The following ZSWIM6 variants were observed in gnomAD, a reference collection of about 807,000 sequenced individuals.
ZSWIM6 encodes the protein zinc finger SWIM domain-containing protein 6.
In ZSWIM6, 9 loss-of-function variants were observed where a neutral mutation model predicts 113.2. That is an observed-to-expected ratio of 0.08 (90% CI 0.05 to 0.14). The LOEUF (loss-of-function observed/expected upper bound fraction) is 0.14, where lower values mean the gene tolerates loss of function less well. Ranked by LOEUF, ZSWIM6 falls within the 10% of genes least tolerant of loss-of-function variation. The probability of loss-of-function intolerance (pLI) is 1.00; values close to 1 mark genes in which losing one functional copy is unlikely to be tolerated. For synonymous variants in ZSWIM6, 611 were observed against 606.5 expected, an observed-to-expected ratio of 1.01 and a Z score of -0.11; for missense variants, 1,162 against 1,552.2, an observed-to-expected ratio of 0.75 and a Z score of 4.22.
At chr5:61,375,060 T>TCTCTC (rs1229748602) in intron 1 of ZSWIM6, 1 of 1,524,488 alleles carries the variant, frequency 6.6e-7, no homozygotes, top group Non-Finnish European at 9.1e-7. Context: ...AAAGGGTAAG[T>TCTCTC]CTCTCCGGCC....
intron 4 of ZSWIM6, among the ~76,000 whole-genome samples, chr5:61,509,454 A>G (rs1172079041): frequency 1.3e-5 from 2 of 152,228 alleles, no homozygotes. Flanking sequence ...GAGTACGCAC[A>G]TAGAGAAAAT....
chr5:61,408,200 A>G (rs747089390), intron 1 of ZSWIM6, among the ~76,000 whole-genome samples: 1 of 152,248 alleles, frequency 6.6e-6, no homozygotes, highest in Non-Finnish European at 1.5e-5. Context: ...GAGAAAATAG[A>G]ATATATGTGT....
intron 1 of ZSWIM6, among the ~76,000 whole-genome samples, chr5:61,383,558 C>T (rs905362094): frequency 2.7e-5 from 4 of 150,562 alleles, no homozygotes; most frequent in East Asian, 3.9e-4. Flanking sequence ...TTTTTTGAGA[C>T]GGAATCTCGC....
intron 4 of ZSWIM6, among the ~76,000 whole-genome samples, chr5:61,495,105 A>G (rs995352695): frequency 6.6e-6 from 1 of 152,126 alleles, no homozygotes; most frequent in Non-Finnish European, 1.5e-5. Context: ...TGACACCTGA[A>G]ATTTTGACAA....
intron 1 of ZSWIM6, among the ~76,000 whole-genome samples, chr5:61,339,295 A>C (rs374119199): frequency 4.6e-5 from 7 of 152,282 alleles, no homozygotes; most frequent in African/African-American, 1.4e-4. Context: ...AATCCCAGCT[A>C]CTCAGGAGGC....
intron 1 of ZSWIM6, among the ~76,000 whole-genome samples, chr5:61,440,155 A>G (rs1746795976): frequency 6.6e-6 from 1 of 152,156 alleles, no homozygotes; most frequent in Admixed American, 6.6e-5. Context: ...TAAGTATACA[A>G]AAAGCTTAGT....
chr5:61,460,230 C>T (rs1371418261), intron 1 of ZSWIM6, among the ~76,000 whole-genome samples: 1 of 152,174 alleles, frequency 6.6e-6, no homozygotes, highest in Non-Finnish European at 1.5e-5. Context: ...TTTCAGTTGG[C>T]TCATGCTGAT....
intron 1 of ZSWIM6, among the ~76,000 whole-genome samples, chr5:61,437,094 G>A (rs1746724441): frequency 6.6e-6 from 1 of 152,128 alleles, no homozygotes; most frequent in South Asian, 2.1e-4. Flanking sequence ...AGCAAAAAGG[G>A]TTCTGCAACA....
chr5:61,444,661 G>T (rs1453382176), intron 1 of ZSWIM6, among the ~76,000 whole-genome samples: 3 of 152,184 alleles, frequency 2.0e-5, no homozygotes, highest in Non-Finnish European at 4.4e-5. Flanking sequence ...TAGGGGCCTA[G>T]ATGTTGGCCT....
intron 10 of ZSWIM6, 128 bp from the exon 11 acceptor site, chr5:61,538,686 G>A: frequency 9.9e-7 from 1 of 1,014,388 alleles, no homozygotes; most frequent in Non-Finnish European, 1.4e-6. Context: ...AGCTGTACCA[G>A]CCCTTGCTGA....
intron 1 of ZSWIM6, among the ~76,000 whole-genome samples, chr5:61,341,359 A>T (rs749915599): frequency 6.6e-6 from 1 of 152,198 alleles, no homozygotes; most frequent in Non-Finnish European, 1.5e-5. Context: ...GTTTTTATTA[A>T]TCGTCGTAAA....
intron 7 of ZSWIM6, among the ~76,000 whole-genome samples, chr5:61,527,195 G>A (rs1749309849): frequency 6.6e-6 from 1 of 152,132 alleles, no homozygotes; most frequent in Non-Finnish European, 1.5e-5. Context: ...ATAAAGAAAT[G>A]TATATGCTTT....
intron 1 of ZSWIM6, among the ~76,000 whole-genome samples, chr5:61,457,045 T>A (rs1371859562): frequency 6.6e-6 from 1 of 151,810 alleles, no homozygotes; most frequent in Non-Finnish European, 1.5e-5. Context: ...CCCAATGCTA[T>A]CCCTCCCCCA....
intron 1 of ZSWIM6, among the ~76,000 whole-genome samples, chr5:61,358,735 T>C (rs967272229): frequency 2.0e-5 from 3 of 152,244 alleles, no homozygotes; most frequent in African/African-American, 7.2e-5. Flanking sequence ...GTTCTTTACA[T>C]TTCTTGAGTT....
chr5:61,480,089 TATTAG>T (rs1747814938), intron 2 of ZSWIM6, among the ~76,000 whole-genome samples: 1 of 152,210 alleles, frequency 6.6e-6, no homozygotes, highest in African/African-American at 2.4e-5. Flanking sequence ...TTAATACATT[TATTAG>T]ATAAGTAATG....
At chr5:61,389,047 A>G (rs1258252833) in intron 1 of ZSWIM6, among the ~76,000 whole-genome samples, 2 of 152,170 alleles carry the variant, frequency 1.3e-5, no homozygotes, top group Non-Finnish European at 2.9e-5. Context: ...CAGGGAGAAG[A>G]AATGAGAGAA....
At chr5:61,362,652 C>G (rs1054401022) in intron 1 of ZSWIM6, among the ~76,000 whole-genome samples, 1 of 152,210 alleles carries the variant, frequency 6.6e-6, no homozygotes, top group Admixed American at 6.5e-5. Flanking sequence ...TCCCTATCGT[C>G]TAAGGCTGGG....
chr5:61,489,298 G>T (rs1245758080), intron 2 of ZSWIM6, among the ~76,000 whole-genome samples: 3 of 151,982 alleles, frequency 2.0e-5, no homozygotes, highest in Admixed American at 6.6e-5. Context: ...GGCCCAGTCA[G>T]AATTCTCTGA....
intron 1 of ZSWIM6, among the ~76,000 whole-genome samples, chr5:61,440,925 G>A (rs1746817326): frequency 6.6e-6 from 1 of 152,162 alleles, no homozygotes; most frequent in South Asian, 2.1e-4. Context: ...GGCTATAATA[G>A]CGATCTGCAG....
Sources: allele counts gnomAD v4.1 joint callset (sites outside exome capture counted in the v4.1 genomes callset), GRCh38; gene constraint gnomAD v4.1.1; transcripts MANE v1.5; gene names NCBI Gene and HGNC (gene_info 2026-07-23, HGNC 2026-07-21).